The following PAK1 variants were observed in gnomAD, a reference collection of about 807,000 sequenced individuals.
The protein encoded by PAK1 is p21 (RAC1) activated kinase 1, also known as serine/threonine-protein kinase PAK 1.
Under a neutral mutation model 67.4 loss-of-function variants are expected in PAK1, and 29 were observed. The ratio of observed to expected loss-of-function variants is 0.43; its 90% CI spans 0.32 to 0.59. PAK1 has a LOEUF of 0.59. Among genes scored for constraint, PAK1 ranks in the 20% least tolerant of loss-of-function variants. The probability of loss-of-function intolerance (pLI) is 0.07; values close to 1 mark genes in which losing one functional copy is unlikely to be tolerated. For missense variants in PAK1, 337 were observed against 670.7 expected, an observed-to-expected ratio of 0.50 and a Z score of 5.50; for synonymous variants, 223 against 237.4, an observed-to-expected ratio of 0.94 and a Z score of 0.56.
intron 1 of PAK1, among the ~76,000 whole-genome samples, chr11:77,398,858 A>G (rs1470140421): frequency 6.6e-6 from 1 of 152,204 alleles, no homozygotes; most frequent in Non-Finnish European, 1.5e-5. Context: ...CTTCTGATTT[A>G]TGATTAGTTC....
intron 9 of PAK1, among the ~76,000 whole-genome samples, chr11:77,345,339 C>CAA (rs5792763): frequency 0.015 from 2,192 of 149,590 alleles, 29 homozygotes; most frequent in East Asian, 0.047. Flanking sequence ...TAAATAAAAA[C>CAA]AAAAAAAAAA....
At chr11:77,416,843 T>C (rs1467615216) in intron 1 of PAK1, among the ~76,000 whole-genome samples, 2 of 152,038 alleles carry the variant, frequency 1.3e-5, no homozygotes, top group Non-Finnish European at 2.9e-5. Context: ...GTCCCAGCTA[T>C]TCTGGAGGCT....
At chr11:77,439,156 G>A (rs1017371751) in intron 1 of PAK1, among the ~76,000 whole-genome samples, 1 of 152,144 alleles carries the variant, frequency 6.6e-6, no homozygotes, top group African/African-American at 2.4e-5. Flanking sequence ...CTTTAGTTTA[G>A]TTTTTAAAAG....
intron 4 of PAK1, among the ~76,000 whole-genome samples, chr11:77,376,259 A>G (rs1449449894): frequency 6.6e-6 from 1 of 152,208 alleles, no homozygotes; most frequent in Non-Finnish European, 1.5e-5. Context: ...CAAATTCCAA[A>G]GCACAGAATG....
At chr11:77,448,436 A>G (rs1956711469) in intron 1 of PAK1, among the ~76,000 whole-genome samples, 1 of 152,232 alleles carries the variant, frequency 6.6e-6, no homozygotes, top group Non-Finnish European at 1.5e-5. Context: ...AACACAAAAT[A>G]TAACACAGTA....
At chr11:77,389,923 T>C (rs1950918015) in intron 2 of PAK1, among the ~76,000 whole-genome samples, 1 of 152,252 alleles carries the variant, frequency 6.6e-6, no homozygotes, top group African/African-American at 2.4e-5. Flanking sequence ...CAATTTAAAC[T>C]TTTTAATTTA....
intron 2 of PAK1, among the ~76,000 whole-genome samples, chr11:77,387,130 T>C (rs979705020): frequency 1.4e-5 from 2 of 146,896 alleles, no homozygotes; most frequent in African/African-American, 5.1e-5. Context: ...TGGAGTGCAG[T>C]AGCATGATCT....
intron 1 of PAK1, among the ~76,000 whole-genome samples, chr11:77,402,271 G>A (rs1285750457): frequency 1.3e-5 from 2 of 152,146 alleles, no homozygotes; most frequent in Admixed American, 6.5e-5. Context: ...AAAGTGAAGT[G>A]GAAACGGCAG....
chr11:77,401,479 G>A (rs942865265), intron 1 of PAK1, among the ~76,000 whole-genome samples: 8 of 152,170 alleles, frequency 5.3e-5, no homozygotes, highest in Non-Finnish European at 8.8e-5. Flanking sequence ...AAGTTATCAC[G>A]AGAATTAACA....
the PAK1 span, among the ~76,000 whole-genome samples, chr11:77,523,871 G>C: frequency 6.6e-6 from 1 of 152,146 alleles, no homozygotes; most frequent in Non-Finnish European, 1.5e-5. Flanking sequence ...TCAGTGTCAC[G>C]TTTGGACCAG....
the PAK1 span, among the ~76,000 whole-genome samples, chr11:77,484,135 C>T: frequency 6.9e-6 from 1 of 145,698 alleles, no homozygotes; most frequent in African/African-American, 2.6e-5. Flanking sequence ...ATTTAGTAAG[C>T]ATTAGTATAG....
the PAK1 span, among the ~76,000 whole-genome samples, chr11:77,480,895 T>G: frequency 6.6e-6 from 1 of 152,256 alleles, no homozygotes; most frequent in Non-Finnish European, 1.5e-5. Context: ...ACAGTAGGAC[T>G]TCATCTCATT....
At chr11:77,498,989 A>G in the PAK1 span, among the ~76,000 whole-genome samples, 1 of 151,932 alleles carries the variant, frequency 6.6e-6, no homozygotes, top group Non-Finnish European at 1.5e-5. Flanking sequence ...ATGAGCCACC[A>G]CGCCCTGCCA....
chr11:77,405,062 C>T (rs1001575547), intron 1 of PAK1, among the ~76,000 whole-genome samples: 1 of 152,160 alleles, frequency 6.6e-6, no homozygotes, highest in Non-Finnish European at 1.5e-5. Context: ...TTACTTAAGA[C>T]CTCATTTAAA....
At chr11:77,440,466 T>C (rs1333081119) in intron 1 of PAK1, among the ~76,000 whole-genome samples, 2 of 152,192 alleles carry the variant, frequency 1.3e-5, no homozygotes, top group African/African-American at 4.8e-5. Context: ...TTAACATGCC[T>C]ATATCCTTTA....
At chr11:77,419,860 G>A (rs1955164721) in intron 1 of PAK1, among the ~76,000 whole-genome samples, 1 of 152,134 alleles carries the variant, frequency 6.6e-6, no homozygotes, top group Non-Finnish European at 1.5e-5. Context: ...TATACTTTCA[G>A]TAATGATGAT....
chr11:77,501,403 T>C, the PAK1 span, among the ~76,000 whole-genome samples: 13 of 152,302 alleles, frequency 8.5e-5, no homozygotes, highest in East Asian at 2.5e-3. Flanking sequence ...TTCTCTCTAC[T>C]CCCTGTGGTG....
intron 1 of PAK1, among the ~76,000 whole-genome samples, chr11:77,397,471 T>C (rs1328052985): frequency 1.3e-5 from 2 of 152,208 alleles, no homozygotes; most frequent in Non-Finnish European, 2.9e-5. Flanking sequence ...TTTCTCGCTA[T>C]GCAGTCTCTA....
At chr11:77,348,385 T>C (rs566306012) in intron 9 of PAK1, among the ~76,000 whole-genome samples, 1 of 152,354 alleles carries the variant, frequency 6.6e-6, no homozygotes, top group African/African-American at 2.4e-5. Context: ...ATATCTTTCT[T>C]CTACTGAATA....
Sources: gnomAD v4.1 joint callset for allele counts (sites outside exome capture counted in the v4.1 genomes callset) on GRCh38, gnomAD v4.1.1 for gene constraint, MANE v1.5 for transcripts, NCBI Gene and HGNC (gene_info 2026-07-23, HGNC 2026-07-21) for gene names.